The following SH3BGRL2 variants were observed in gnomAD, a reference collection of about 807,000 sequenced individuals.
SH3BGRL2 encodes the protein SH3 domain-binding glutamic acid-rich-like protein 2.
SH3BGRL2 carries 21 observed loss-of-function variants against 14.8 expected under a neutral mutation model. That is an observed-to-expected ratio of 1.42 (90% CI 1.01 to 2.05). The LOEUF (loss-of-function observed/expected upper bound fraction) is 2.05, where lower values mean the gene tolerates loss of function less well. Ranked by LOEUF, SH3BGRL2 falls within the 30% of genes most tolerant of loss-of-function variation. SH3BGRL2 has a pLI of 0.00. For missense variants in SH3BGRL2, 147 were observed against 130.8 expected (o/e 1.12, Z -0.61); for synonymous variants, 50 against 47.8 (o/e 1.05, Z -0.19).
At chr6:79,639,581 C>T (rs1336626062) in intron 1 of SH3BGRL2, among the ~76,000 whole-genome samples, 1 of 152,128 alleles carries the variant, frequency 6.6e-6, no homozygotes, top group Non-Finnish European at 1.5e-5. Flanking sequence ...CAAAGTGAGA[C>T]CTTGTCTCAG....
At chr6:79,624,812 G>GTT in the SH3BGRL2 span, among the ~76,000 whole-genome samples, 2 of 148,716 alleles carry the variant, frequency 1.3e-5, no homozygotes, top group Non-Finnish European at 3.0e-5. Flanking sequence ...TGTTTTTTGG[G>GTT]TTTTTTTTTT....
rs1009106833 is a variant in SH3BGRL2 at position 79,652,742 on chromosome 6, T to C, written c.46-20872T>C. On this transcript the variant is annotated intron_variant, in intron 1 of 3. Coordinates refer to ENST00000369838, the MANE Select transcript of SH3BGRL2 (RefSeq NM_031469.4). ...GATATTTTGGGTTGGGGGTGACTTTTAGAAATTTTTTTTTTAAAGCAGGAA... is the reference window on the plus strand; with the variant it reads ...GATATTTTGGGTTGGGGGTGACTTTCAGAAATTTTTTTTTTAAAGCAGGAA... Among the ~76,000 whole-genome samples the C allele has an allele frequency of 5.3e-5, 8 of 152,074 alleles. No individual in the cohort carries two copies. The East Asian group carries it at 1.5e-3, about 29-fold the overall frequency.
chr6:79,675,185 C>T (rs1769855695), intron 2 of SH3BGRL2, among the ~76,000 whole-genome samples: 1 of 152,172 alleles, frequency 6.6e-6, no homozygotes, highest in African/African-American at 2.4e-5. Flanking sequence ...TAGCAGTTTT[C>T]TGTCCCTCGG....
chr6:79,676,601 ATGTATG>A (rs1769886437), intron 2 of SH3BGRL2, among the ~76,000 whole-genome samples: 1 of 114,406 alleles, frequency 8.7e-6, no homozygotes, highest in African/African-American at 3.5e-5. Flanking sequence ...TTATGTCTTT[ATGTATG>A]TGTGTGTGTG....
upstream of SH3BGRL2, chr6:79,631,322 G>T: frequency 1.4e-6 from 1 of 694,426 alleles, no homozygotes; most frequent in Non-Finnish European, 2.1e-6. Context: ...CCCGCCGGGA[G>T]GGAGCCAGAT....
chr6:79,670,744 A>G (rs943982917), intron 1 of SH3BGRL2, among the ~76,000 whole-genome samples: 4 of 152,192 alleles, frequency 2.6e-5, no homozygotes, highest in Admixed American at 6.5e-5. Flanking sequence ...AAATGTCATT[A>G]AGGACCCAGG....
At chr6:79,588,289 T>TAAAAAAAA in the SH3BGRL2 span, among the ~76,000 whole-genome samples, 1 of 124,046 alleles carries the variant, frequency 8.1e-6, no homozygotes, top group African/African-American at 3.1e-5. Context: ...AGACTCTGTC[T>TAAAAAAAA]AAAAAAAAAA....
chr6:79,664,108 A>G (rs1259076167), intron 1 of SH3BGRL2, among the ~76,000 whole-genome samples: 1 of 152,048 alleles, frequency 6.6e-6, no homozygotes, highest in Admixed American at 6.6e-5. Context: ...AAATCCCCCA[A>G]CCCCTGTCCT....
At chr6:79,589,021 A>T in the SH3BGRL2 span, among the ~76,000 whole-genome samples, 3 of 152,116 alleles carry the variant, frequency 2.0e-5, no homozygotes, top group Non-Finnish European at 4.4e-5. Flanking sequence ...CAAGTTCCTT[A>T]TATAAAATGA....
At chr6:79,631,227 A>T (rs1768815718), upstream of SH3BGRL2, 1 of 399,806 alleles carries the variant, frequency 2.5e-6, no homozygotes, top group African/African-American at 2.1e-5. Context: ...TACAAATCCC[A>T]TCAAGCCCCG....
the SH3BGRL2 span, among the ~76,000 whole-genome samples, chr6:79,542,024 G>T: frequency 6.6e-6 from 1 of 152,038 alleles, no homozygotes; most frequent in South Asian, 2.1e-4. Flanking sequence ...GGACTTCCTA[G>T]AGAGTGTCTC....
chr6:79,557,268 T>A, the SH3BGRL2 span, among the ~76,000 whole-genome samples: 1 of 151,674 alleles, frequency 6.6e-6, no homozygotes, highest in Non-Finnish European at 1.5e-5. Context: ...ATAATTTTTA[T>A]AGATCATAAA....
chr6:79,691,303 T>G (rs145127977), intron 2 of SH3BGRL2, among the ~76,000 whole-genome samples: 1 of 152,198 alleles, frequency 6.6e-6, no homozygotes, highest in South Asian at 2.1e-4. Context: ...GAGGGTGAGA[T>G]CAAATCTGTT....
chr6:79,564,179 T>A, the SH3BGRL2 span, among the ~76,000 whole-genome samples: 1 of 149,190 alleles, frequency 6.7e-6, no homozygotes, highest in East Asian at 1.9e-4. Flanking sequence ...TCTAACGACT[T>A]GTGTATCTGA....
chr6:79,599,996 T>C, the SH3BGRL2 span, among the ~76,000 whole-genome samples: 2 of 152,190 alleles, frequency 1.3e-5, no homozygotes, highest in Non-Finnish European at 1.5e-5. Context: ...TATGTCGGAC[T>C]TTCTTCACGG....
intron 2 of SH3BGRL2, among the ~76,000 whole-genome samples, chr6:79,677,297 C>T (rs1769904744): frequency 6.6e-6 from 1 of 152,050 alleles, no homozygotes; most frequent in South Asian, 2.1e-4. Context: ...ATTATTGTAA[C>T]CTGGGTGAGC....
intron 2 of SH3BGRL2, among the ~76,000 whole-genome samples, chr6:79,682,404 A>G (rs1266269088): frequency 6.6e-6 from 1 of 152,192 alleles, no homozygotes; most frequent in Non-Finnish European, 1.5e-5. Context: ...TCCCAAATGC[A>G]CTTAAAATAT....
intron 2 of SH3BGRL2, among the ~76,000 whole-genome samples, chr6:79,690,399 A>G (rs936342994): frequency 6.6e-6 from 1 of 152,186 alleles, no homozygotes; most frequent in East Asian, 1.9e-4. Flanking sequence ...TCTCATTAAT[A>G]TCTTTTCCCT....
chr6:79,682,062 GGTC>G (rs1452633570), intron 2 of SH3BGRL2, among the ~76,000 whole-genome samples: 1 of 151,760 alleles, frequency 6.6e-6, no homozygotes, highest in Non-Finnish European at 1.5e-5. Context: ...CATAAAATAT[GGTC>G]TTCAACTACG....
Sources: gnomAD v4.1 joint callset for allele counts (sites outside exome capture counted in the v4.1 genomes callset) on GRCh38, gnomAD v4.1.1 for gene constraint, MANE v1.5 for transcripts, NCBI Gene and HGNC (gene_info 2026-07-23, HGNC 2026-07-21) for gene names.